ETV6: variants seen among roughly 807,000 people sequenced by gnomAD.
The protein encoded by ETV6 is transcription factor ETV6.
ETV6 carries 16 observed loss-of-function variants against 51.1 expected under a neutral mutation model. The ratio of observed to expected loss-of-function variants is 0.31; its 90% CI spans 0.21 to 0.48. The LOEUF (loss-of-function observed/expected upper bound fraction) is 0.48, where lower values mean the gene tolerates loss of function less well. ETV6 is among the 20% of genes least tolerant of loss of function. The probability of loss-of-function intolerance (pLI) is 0.99; values close to 1 mark genes in which losing one functional copy is unlikely to be tolerated. For synonymous variants in ETV6, 240 were observed against 224.1 expected (o/e 1.07, Z -0.64); for missense variants, 458 against 594.8 (o/e 0.77, Z 2.39).
chr12:11,716,079 G>A (rs112845247), intron 1 of ETV6, among the ~76,000 whole-genome samples: 9,426 of 151,998 alleles, frequency 0.062, 925 homozygotes, highest in African/African-American at 0.21. Flanking sequence ...GACCATTTGG[G>A]GCCGGGCGCG....
At chr12:11,836,139 C>T (rs1178789470) in intron 2 of ETV6, among the ~76,000 whole-genome samples, 1 of 152,220 alleles carries the variant, frequency 6.6e-6, no homozygotes. Flanking sequence ...CACGCTAACA[C>T]ACAAGGTCTT....
intron 2 of ETV6, among the ~76,000 whole-genome samples, chr12:11,758,423 G>C (rs989665155): frequency 6.6e-6 from 1 of 152,140 alleles, no homozygotes; most frequent in Non-Finnish European, 1.5e-5. Flanking sequence ...GTCGTTGTCT[G>C]TGTGTTTCAT....
chr12:11,740,443 C>T (rs541317027), intron 1 of ETV6, among the ~76,000 whole-genome samples: 5 of 152,262 alleles, frequency 3.3e-5, no homozygotes, highest in African/African-American at 4.8e-5. Context: ...TGCTGTAGCA[C>T]GCTTTCACAG....
intron 2 of ETV6, among the ~76,000 whole-genome samples, chr12:11,809,261 T>C (rs1387372613): frequency 6.9e-6 from 1 of 144,326 alleles, no homozygotes; most frequent in Non-Finnish European, 1.5e-5. Flanking sequence ...GAAGAAAAAA[T>C]GTACAATAAA....
At chr12:11,845,853 G>A (rs565636627) in intron 3 of ETV6, among the ~76,000 whole-genome samples, 21 of 152,148 alleles carry the variant, frequency 1.4e-4, no homozygotes, top group Non-Finnish European at 2.5e-4. Context: ...TCAGCCGGGC[G>A]TGGTGGCACG....
chr12:11,714,800 G>A (rs372606449), intron 1 of ETV6, among the ~76,000 whole-genome samples: 120 of 152,220 alleles, frequency 7.9e-4, no homozygotes, highest in African/African-American at 2.6e-3. Flanking sequence ...TGTGAGTTGC[G>A]TATGTGAGTG....
At chr12:11,672,522 G>A (rs915819707) in intron 1 of ETV6, among the ~76,000 whole-genome samples, 2 of 152,198 alleles carry the variant, frequency 1.3e-5, no homozygotes, top group Admixed American at 1.3e-4. Flanking sequence ...AGTAGCATGG[G>A]AACTCGGGCT....
chr12:11,853,345 A>T, intron 3 of ETV6, 82 bp from the exon 4 acceptor site: 5 of 1,548,806 alleles, frequency 3.2e-6, no homozygotes, highest in Non-Finnish European at 3.5e-6. Context: ...GCACCGTGCC[A>T]GGCACTTAGC....
At chr12:11,835,675 A>G (rs890327477) in intron 2 of ETV6, among the ~76,000 whole-genome samples, 1 of 152,188 alleles carries the variant, frequency 6.6e-6, no homozygotes, top group Non-Finnish European at 1.5e-5. Flanking sequence ...TTTTTTGGCT[A>G]TATTTTTAGT....
rs144094133 is a variant in ETV6 at position 11,757,527 on chromosome 12, T to A, written c.163+4948T>A. 4.8e-3 allele frequency among the ~76,000 whole-genome samples: 734 copies of A among 151,908 alleles called. 6 individuals are homozygous for A. The highest frequency in any genetic ancestry group is 0.016 in the African/African-American group (675 of 41,154). On this transcript the variant is annotated intron_variant, in intron 2 of 7. Transcript: ENST00000396373. ...CGCTCATACTTATTGTCTCACTTAA[T>A]TGTACAGCAGTCCTTGAAGCAGGTG...
At chr12:11,809,812 C>CTTTT (rs927002978) in intron 2 of ETV6, among the ~76,000 whole-genome samples, 5 of 81,764 alleles carry the variant, frequency 6.1e-5, no homozygotes, top group South Asian at 3.9e-4. Flanking sequence ...AGAGCTTCTG[C>CTTTT]TTTTTTTTTT....
intron 7 of ETV6, among the ~76,000 whole-genome samples, chr12:11,888,223 G>A (rs1461079746): frequency 6.6e-6 from 1 of 152,068 alleles, no homozygotes; most frequent in Non-Finnish European, 1.5e-5. Context: ...AAATGTATAT[G>A]ACTAACTTTT....
At chr12:11,793,452 T>C (rs1005642519) in intron 2 of ETV6, among the ~76,000 whole-genome samples, 1 of 152,196 alleles carries the variant, frequency 6.6e-6, no homozygotes, top group African/African-American at 2.4e-5. Context: ...GTTTTAGTTA[T>C]TAGACAAAGA....
rs1947176973 is a variant in ETV6 at position 11,885,955 on chromosome 12, G to A, written c.1182G>A (p.Met394Ile). 1.2e-6 allele frequency: 2 copies of A among 1,613,886 alleles called. No individual in the cohort carries two copies. Among genetic ancestry groups the A allele is most frequent in the Non-Finnish European group, 1.7e-6 (2 of 1,179,912 alleles). Reference sequence around the variant, plus strand: ...GAACAAACATGACCTATGAGAAAATGTCCAGAGCCCTGCGCCACTACTACA... The same window carrying A: ...GAACAAACATGACCTATGAGAAAATATCCAGAGCCCTGCGCCACTACTACA... ...KNRTNMTYEK[M>I]SRALRHYYKL... Residue 394 changes from methionine (M) to isoleucine (I), a missense_variant, in exon 7 of 8, where the codon ATG becomes ATA. Physicochemically the swap from Met to Ile is conservative, Grantham distance 10. Transcript: ENST00000396373.
At chr12:11,740,731 A>T (rs1469733519) in intron 1 of ETV6, among the ~76,000 whole-genome samples, 1 of 152,250 alleles carries the variant, frequency 6.6e-6, no homozygotes, top group Non-Finnish European at 1.5e-5. Context: ...GAGTAAATAA[A>T]TACGCCGGGT....
At chr12:11,744,909 GA>G (rs35026437) in intron 1 of ETV6, among the ~76,000 whole-genome samples, 1,457 of 125,374 alleles carry the variant, frequency 0.012, 22 homozygotes, top group African/African-American at 0.036. Flanking sequence ...GGAAATTCAG[GA>G]AAAAAAAAAA....
At chr12:11,814,776 G>T (rs732868) in intron 2 of ETV6, among the ~76,000 whole-genome samples, 1 of 152,012 alleles carries the variant, frequency 6.6e-6, no homozygotes, top group Non-Finnish European at 1.5e-5. Context: ...AAAGGGTACA[G>T]ATGTCTAGGA....
intron 1 of ETV6, among the ~76,000 whole-genome samples, chr12:11,650,435 C>T (rs374780239): frequency 4.7e-5 from 6 of 126,698 alleles, no homozygotes; most frequent in African/African-American, 1.5e-4. Context: ...TCAGAGCAAC[C>T]CGGATTGTCT....
At chr12:11,827,042 G>GATAGA (rs749477504) in intron 2 of ETV6, among the ~76,000 whole-genome samples, 2 of 150,920 alleles carry the variant, frequency 1.3e-5, no homozygotes, top group Admixed American at 6.6e-5. Flanking sequence ...AAGGGGATGA[G>GATAGA]ATAGAATAGA....
Sources: gnomAD v4.1 joint callset for allele counts (sites outside exome capture counted in the v4.1 genomes callset) on GRCh38, gnomAD v4.1.1 for gene constraint, MANE v1.5 for transcripts, NCBI Gene and HGNC (gene_info 2026-07-23, HGNC 2026-07-21) for gene names.